The following SUGCT variants were observed in gnomAD, a reference collection of about 807,000 sequenced individuals.
SUGCT encodes succinyl-CoA:glutarate-CoA transferase.
Under a neutral mutation model 55.0 loss-of-function variants are expected in SUGCT, and 41 were observed. That is an observed-to-expected ratio of 0.74 (90% CI 0.58 to 0.97). The LOEUF is 0.97. SUGCT is among the 50% of genes least tolerant of loss of function. SUGCT has a pLI of 0.00. For missense variants in SUGCT, 568 were observed against 547.8 expected (o/e 1.04, Z -0.37); for synonymous variants, 187 against 200.4 (o/e 0.93, Z 0.56).
At chr7:40,664,564 A>G (rs1002245693) in intron 12 of SUGCT, among the ~76,000 whole-genome samples, 5 of 152,232 alleles carry the variant, frequency 3.3e-5, no homozygotes, top group African/African-American at 1.2e-4. Flanking sequence ...CTGCTGATTT[A>G]CTGATGTATG....
intron 12 of SUGCT, among the ~76,000 whole-genome samples, chr7:40,592,771 A>G (rs1421284392): frequency 6.6e-6 from 1 of 152,144 alleles, no homozygotes; most frequent in African/African-American, 2.4e-5. Flanking sequence ...TAGCAAGTCT[A>G]TGTTTTGTTT....
chr7:40,294,164 T>A (rs1022696454), intron 8 of SUGCT, among the ~76,000 whole-genome samples: 6 of 151,972 alleles, frequency 3.9e-5, no homozygotes, highest in Admixed American at 1.3e-4. Flanking sequence ...GCCAGGCTGG[T>A]CTTGCCTACT....
At chr7:40,834,296 G>T (rs1792849742) in intron 13 of SUGCT, among the ~76,000 whole-genome samples, 1 of 152,062 alleles carries the variant, frequency 6.6e-6, no homozygotes, top group Admixed American at 6.5e-5. Context: ...AAAGACATAC[G>T]CTTGGACCCC....
chr7:40,783,689 A>G (rs1451857756), intron 13 of SUGCT: 1 of 152,170 alleles, frequency 6.6e-6, no homozygotes, highest in Non-Finnish European at 1.5e-5. Context: ...CCTATGTTTT[A>G]TTAAAGGAAA....
chr7:40,296,686 T>G (rs1794173192), intron 8 of SUGCT, among the ~76,000 whole-genome samples: 1 of 151,306 alleles, frequency 6.6e-6, no homozygotes, highest in Non-Finnish European at 1.5e-5. Context: ...TGAATTAACT[T>G]CTCTCTCCAT....
chr7:40,219,050 G>A (rs945714177), intron 6 of SUGCT, among the ~76,000 whole-genome samples: 7 of 152,064 alleles, frequency 4.6e-5, no homozygotes, highest in African/African-American at 1.7e-4. Flanking sequence ...CACTCACCAC[G>A]AAGGTCTGCA....
chr7:40,948,643 C>T, the SUGCT span, among the ~76,000 whole-genome samples: 2 of 151,816 alleles, frequency 1.3e-5, no homozygotes, highest in Non-Finnish European at 2.9e-5. Context: ...TGTGATATTC[C>T]CCTGTCTTTG....
At chr7:40,765,145 T>A (rs529533865) in intron 13 of SUGCT, among the ~76,000 whole-genome samples, 1 of 152,288 alleles carries the variant, frequency 6.6e-6, no homozygotes, top group South Asian at 2.1e-4. Flanking sequence ...TTGTAGTGAA[T>A]TACAGATAAT....
intron 9 of SUGCT, among the ~76,000 whole-genome samples, chr7:40,360,194 A>G (rs1161228804): frequency 1.3e-5 from 2 of 152,102 alleles, no homozygotes; most frequent in African/African-American, 4.8e-5. Flanking sequence ...TTGTATTTTT[A>G]GTAGAGGCAG....
At chr7:40,985,298 T>C in the SUGCT span, among the ~76,000 whole-genome samples, 1 of 152,256 alleles carries the variant, frequency 6.6e-6, no homozygotes, top group East Asian at 1.9e-4. Context: ...ATGGAGCACC[T>C]GGTTGGGGCT....
At chr7:40,274,731 A>G (rs561397461) in intron 8 of SUGCT, 75 bp downstream of exon 8, 27 of 1,355,670 alleles carry the variant, frequency 2.0e-5, no homozygotes, top group East Asian at 9.3e-5. Context: ...ATCAAATTCT[A>G]TGGTCACATG....
intron 12 of SUGCT, among the ~76,000 whole-genome samples, chr7:40,660,243 A>G (rs1403581781): frequency 6.6e-6 from 1 of 152,106 alleles, no homozygotes; most frequent in African/African-American, 2.4e-5. Flanking sequence ...GGGGTAAGGC[A>G]GAGAGTATGG....
At chr7:40,867,501 G>C in the SUGCT span, among the ~76,000 whole-genome samples, 2 of 152,064 alleles carry the variant, frequency 1.3e-5, no homozygotes, top group Non-Finnish European at 2.9e-5. Context: ...AGAAGTATGA[G>C]AGATGTCTAG....
intron 10 of SUGCT, among the ~76,000 whole-genome samples, chr7:40,451,820 G>A (rs1262562975): frequency 6.6e-6 from 1 of 152,152 alleles, no homozygotes; most frequent in Non-Finnish European, 1.5e-5. Context: ...GTTATGTGTA[G>A]CGTGTGGATG....
intron 9 of SUGCT, among the ~76,000 whole-genome samples, chr7:40,350,693 T>C (rs1797580944): frequency 6.6e-6 from 1 of 152,058 alleles, no homozygotes; most frequent in Admixed American, 6.6e-5. Context: ...GCAGAATGTG[T>C]AGGTTTGTTA....
intron 1 of SUGCT, among the ~76,000 whole-genome samples, chr7:40,165,461 T>C (rs560662312): frequency 6.6e-6 from 1 of 152,326 alleles, no homozygotes; most frequent in South Asian, 2.1e-4. Context: ...ATTATAATTA[T>C]ACTTCTTTGC....
chr7:40,529,883 C>T (rs1305808622), intron 12 of SUGCT, among the ~76,000 whole-genome samples: 1 of 152,158 alleles, frequency 6.6e-6, no homozygotes, highest in Non-Finnish European at 1.5e-5. Flanking sequence ...GCTATTCATT[C>T]TATGTTCAAA....
chr7:40,153,753 G>T, intron 1 of SUGCT: 6 of 437,942 alleles, frequency 1.4e-5, no homozygotes, highest in South Asian at 1.1e-4. Context: ...CATCTTTATT[G>T]ACCAAGAGCC....
chr7:40,407,070 G>A lies in SUGCT; in HGVS notation c.817-42217G>A, dbSNP rs140194450. 7.5e-3 allele frequency among the ~76,000 whole-genome samples: 1,133 copies of A among 152,002 alleles called. 13 individuals are homozygous for A. The highest frequency in any genetic ancestry group is 0.026 in the African/African-American group (1,076 of 41,460). On this transcript the variant is annotated intron_variant, in intron 9 of 13. Coordinates refer to ENST00000335693, the MANE Select transcript of SUGCT (RefSeq NM_001193313.2). ...TTTTTGTCAAAAAAGATAAAAAAAA[G>A]AACAAAGAGCTTGAAGGCCTTCTTT...
Sources: allele counts gnomAD v4.1 joint callset (sites outside exome capture counted in the v4.1 genomes callset), GRCh38; gene constraint gnomAD v4.1.1; transcripts MANE v1.5; gene names NCBI Gene and HGNC (gene_info 2026-07-23, HGNC 2026-07-21).